The following PRKG2 variants were observed in gnomAD, a reference collection of about 807,000 sequenced individuals.
PRKG2 encodes cGMP-dependent protein kinase 2.
Under a neutral mutation model 97.2 loss-of-function variants are expected in PRKG2, and 33 were observed. The ratio of observed to expected loss-of-function variants is 0.34; its 90% CI spans 0.26 to 0.45. PRKG2 has a LOEUF of 0.45. Ranked by LOEUF, PRKG2 falls within the 20% of genes least tolerant of loss-of-function variation. PRKG2 has a pLI of 1.00. For missense variants in PRKG2, 638 were observed against 900.0 expected, an observed-to-expected ratio of 0.71 and a Z score of 3.73; for synonymous variants, 330 against 321.8, an observed-to-expected ratio of 1.03 and a Z score of -0.27.
chr4:81,100,609 C>T (rs773249332), intron 17 of PRKG2, among the ~76,000 whole-genome samples: 1 of 152,274 alleles, frequency 6.6e-6, no homozygotes, highest in Non-Finnish European at 1.5e-5. Flanking sequence ...ACCATAAAAA[C>T]CCTAGAAGAA....
At chr4:81,091,644 A>G (rs1741546332) in intron 18 of PRKG2, among the ~76,000 whole-genome samples, 1 of 152,132 alleles carries the variant, frequency 6.6e-6, no homozygotes. Flanking sequence ...CTCCACAACT[A>G]CACTTTGATG....
intron 2 of PRKG2, among the ~76,000 whole-genome samples, chr4:81,187,912 A>G (rs1360541018): frequency 6.6e-6 from 1 of 152,146 alleles, no homozygotes; most frequent in Non-Finnish European, 1.5e-5. Context: ...CTAAAACCAT[A>G]AAAACCCTAG....
intron 2 of PRKG2, among the ~76,000 whole-genome samples, chr4:81,184,156 C>G (rs1244863266): frequency 6.6e-6 from 1 of 152,224 alleles, no homozygotes; most frequent in East Asian, 1.9e-4. Context: ...AAGGGACAGA[C>G]TGCCTCCTCA....
At chr4:81,184,891 A>G (rs1187101248) in intron 2 of PRKG2, among the ~76,000 whole-genome samples, 4 of 152,264 alleles carry the variant, frequency 2.6e-5, no homozygotes, top group Non-Finnish European at 5.9e-5. Flanking sequence ...AAAGGATATC[A>G]GAGATTGAAG....
intron 6 of PRKG2, among the ~76,000 whole-genome samples, chr4:81,155,966 T>C (rs1233841770): frequency 6.6e-6 from 1 of 151,998 alleles, no homozygotes; most frequent in African/African-American, 2.4e-5. Flanking sequence ...TACCAGCCAC[T>C]GCAAAATCAT....
chr4:81,119,738 G>A (rs1235222791), intron 14 of PRKG2, among the ~76,000 whole-genome samples: 1 of 150,342 alleles, frequency 6.7e-6, no homozygotes, highest in Non-Finnish European at 1.5e-5. Flanking sequence ...GCAGTGGTGA[G>A]ATCTCGGCTC....
intron 14 of PRKG2, among the ~76,000 whole-genome samples, chr4:81,120,598 C>T (rs1744982540): frequency 6.6e-6 from 1 of 152,066 alleles, no homozygotes; most frequent in Non-Finnish European, 1.5e-5. Flanking sequence ...TCTACTTGTT[C>T]ATTGCTAGTA....
intron 14 of PRKG2, among the ~76,000 whole-genome samples, chr4:81,111,473 T>C (rs1003856228): frequency 6.6e-6 from 1 of 152,126 alleles, no homozygotes; most frequent in Non-Finnish European, 1.5e-5. Context: ...ATGTAATACA[T>C]GATATAATTG....
intron 6 of PRKG2, among the ~76,000 whole-genome samples, chr4:81,165,715 G>A (rs1045866263): frequency 5.3e-5 from 8 of 152,112 alleles, no homozygotes; most frequent in African/African-American, 1.7e-4. Context: ...TTGAAAAGAT[G>A]AGTTTTTCAA....
intron 14 of PRKG2, among the ~76,000 whole-genome samples, chr4:81,126,189 C>T (rs1315554446): frequency 2.0e-5 from 3 of 152,126 alleles, no homozygotes; most frequent in Non-Finnish European, 4.4e-5. Flanking sequence ...CATCCATGTC[C>T]CTGCAAAAGA....
At chr4:81,217,031 G>GTATATATATATATATATATATA (rs35897460), upstream of PRKG2, among the ~76,000 whole-genome samples, 9 of 115,280 alleles carry the variant, frequency 7.8e-5, no homozygotes, top group East Asian at 1.2e-3. Context: ...TATATATTTT[G>GTATATATATATATATATATATA]TATATATATA....
chr4:81,135,322 A>T, intron 13 of PRKG2, 26 bp from the exon 14 acceptor site: 1 of 1,607,760 alleles, frequency 6.2e-7, no homozygotes, highest in Non-Finnish European at 8.5e-7. Context: ...TTTCCCTCTT[A>T]ATACTTTGGA....
chr4:81,213,913 A>G (rs1287419429), intron 1 of PRKG2, among the ~76,000 whole-genome samples: 3 of 152,132 alleles, frequency 2.0e-5, no homozygotes, highest in African/African-American at 7.2e-5. Context: ...TCTTAGTCAT[A>G]CAGCGTTCCA....
At chr4:81,181,517 CAAT>C (rs1751410854) in intron 2 of PRKG2, among the ~76,000 whole-genome samples, 1 of 151,072 alleles carries the variant, frequency 6.6e-6, no homozygotes, top group African/African-American at 2.4e-5. Flanking sequence ...GAAAATAACA[CAAT>C]GACAGCAGAA....
chr4:81,142,719 C>T lies in PRKG2; in HGVS notation c.1407+75G>A, dbSNP rs558098096. 9.3e-5 allele frequency: 132 copies of T among 1,417,144 alleles called. 1 individual carries two copies. The African/African-American group carries it at 1.6e-3, about 17-fold the overall frequency. The allele number at this position is 1,417,144 out of a possible 1,614,324, so 87.8% of individuals were successfully genotyped here. A position where few individuals can be genotyped will look rare whatever the true frequency, so the allele number is the denominator to read the frequency against. On this transcript the variant is annotated intron_variant, in intron 11 of 18. Transcript: ENST00000264399. ...AGCAGTAACAATTCATATATTCCTC[C>T]AAGATATGCTGGAATATAAAACAAA...
At chr4:81,146,834 T>C (rs950979699) in intron 9 of PRKG2, among the ~76,000 whole-genome samples, 1 of 152,216 alleles carries the variant, frequency 6.6e-6, no homozygotes, top group African/African-American at 2.4e-5. Flanking sequence ...AGCATTATTG[T>C]GGGATCTTAT....
At chr4:81,177,696 T>C (rs1200820368) in intron 2 of PRKG2, among the ~76,000 whole-genome samples, 1 of 151,898 alleles carries the variant, frequency 6.6e-6, no homozygotes, top group Admixed American at 6.6e-5. Flanking sequence ...CAAGACTCCA[T>C]CTCAAAAAAA....
At chr4:81,128,572 G>A (rs1416986828) in intron 14 of PRKG2, among the ~76,000 whole-genome samples, 1 of 152,138 alleles carries the variant, frequency 6.6e-6, no homozygotes, top group African/African-American at 2.4e-5. Context: ...GGGTGTATGT[G>A]TCCAATAATT....
intron 8 of PRKG2, among the ~76,000 whole-genome samples, chr4:81,150,696 CTA>C (rs891361031): frequency 6.6e-6 from 1 of 152,186 alleles, no homozygotes; most frequent in African/African-American, 2.4e-5. Flanking sequence ...TATTTTGACT[CTA>C]TACTGCATTT....
Sources: gnomAD v4.1 joint callset for allele counts (sites outside exome capture counted in the v4.1 genomes callset) on GRCh38, gnomAD v4.1.1 for gene constraint, MANE v1.5 for transcripts, NCBI Gene and HGNC (gene_info 2026-07-23, HGNC 2026-07-21) for gene names.